GLIS3: variants seen among roughly 807,000 people sequenced by gnomAD.
GLIS3 encodes GLIS family zinc finger 3, also known as zinc finger protein GLIS3.
In GLIS3, 53 loss-of-function variants were observed where a neutral mutation model predicts 78.6. The observed-to-expected ratio is 0.67, with a 90% CI of 0.54 to 0.85. The LOEUF (loss-of-function observed/expected upper bound fraction) is 0.85. Ranked by LOEUF, GLIS3 falls within the 40% of genes least tolerant of loss-of-function variation. GLIS3 has a pLI of 0.00. For missense variants in GLIS3, 1,703 were observed against 1,231.1 expected, an observed-to-expected ratio of 1.38 and a Z score of -5.74; for synonymous variants, 684 against 509.9, an observed-to-expected ratio of 1.34 and a Z score of -4.60.
chr9:4,443,956 T>G, the GLIS3 span, among the ~76,000 whole-genome samples: 1 of 152,150 alleles, frequency 6.6e-6, no homozygotes, highest in Non-Finnish European at 1.5e-5. Flanking sequence ...GTAGACAGGT[T>G]ATATCCCATG....
At chr9:4,194,449 T>TA (rs1343432965) in intron 2 of GLIS3, among the ~76,000 whole-genome samples, 1 of 152,218 alleles carries the variant, frequency 6.6e-6, no homozygotes, top group African/African-American at 2.4e-5. Flanking sequence ...ATAAATGTCA[T>TA]AAATTATTTA....
chr9:4,301,505 C>T (rs1587370062), upstream of GLIS3, among the ~76,000 whole-genome samples: 2 of 152,320 alleles, frequency 1.3e-5, no homozygotes, highest in Middle Eastern at 6.8e-3. Flanking sequence ...CATAAAAACT[C>T]TTCCTCATTA....
At chr9:3,841,710 T>C (rs1818724252) in intron 9 of GLIS3, among the ~76,000 whole-genome samples, 1 of 152,192 alleles carries the variant, frequency 6.6e-6, no homozygotes. Flanking sequence ...GTTGGGAATT[T>C]TTCTATGAGG....
At chr9:4,322,327 C>T (rs978217044) in intron 2 of GLIS3, among the ~76,000 whole-genome samples, 32 of 152,074 alleles carry the variant, frequency 2.1e-4, no homozygotes, top group Non-Finnish European at 3.1e-4. Flanking sequence ...TGAATAGTGC[C>T]ACAATAAACA....
the GLIS3 span, among the ~76,000 whole-genome samples, chr9:4,413,171 T>C: frequency 6.6e-6 from 1 of 152,148 alleles, no homozygotes; most frequent in African/African-American, 2.4e-5. Flanking sequence ...TGGTCTTGAG[T>C]TCTGGATGTG....
rs368393095 is a variant in GLIS3 at position 3,962,705 on chromosome 9, G to C, written c.1711-25516C>G. On this transcript the variant is annotated intron_variant, in intron 4 of 10. Coordinates refer to ENST00000381971, the MANE Select transcript of GLIS3 (RefSeq NM_001042413.2). ...GTAAATAGGGAGAAACAAGAGAAAG[G>C]GGGGAATGTGAAGTCCAGAATTTCA... Among the ~76,000 whole-genome samples, 7 of 152,128 alleles carry C rather than the reference G, an allele frequency of 4.6e-5. No individual in the cohort carries two copies. In the East Asian group the frequency reaches 1.2e-3, roughly 25 times the overall value.
the GLIS3 span, among the ~76,000 whole-genome samples, chr9:4,446,932 T>C: frequency 6.6e-6 from 1 of 152,132 alleles, no homozygotes; most frequent in Non-Finnish European, 1.5e-5. Flanking sequence ...GGCTTGTGGT[T>C]CAACAAACAC....
Position 3,944,464 on chromosome 9 carries a change from A to G in GLIS3, c.1711-7275T>C, listed in dbSNP as rs150041965. The stretch of plus-strand genomic sequence containing the variant: ...AGGTATCATATATTATTCATGTTAT[A>G]CCAATACAATGCCAGAAGACTACAA... On this transcript the variant is annotated intron_variant, in intron 4 of 10. Coordinates refer to ENST00000381971, the MANE Select transcript of GLIS3 (RefSeq NM_001042413.2). 2.0e-5 allele frequency among the ~76,000 whole-genome samples: 3 copies of G among 152,320 alleles called. No individual in the cohort carries two copies. The East Asian group carries it at 5.8e-4, about 29-fold the overall frequency.
At chr9:4,363,064 T>C in the GLIS3 span, among the ~76,000 whole-genome samples, 2 of 152,072 alleles carry the variant, frequency 1.3e-5, no homozygotes, top group Admixed American at 6.6e-5. Context: ...TCAGTTCCAT[T>C]AGGCCCAAGA....
chr9:4,437,436 C>G, the GLIS3 span, among the ~76,000 whole-genome samples: 26,014 of 114,520 alleles, frequency 0.23, 2,467 homozygotes, highest in Non-Finnish European at 0.29. Context: ...ATCTATCTAT[C>G]TATCTATCTA....
chr9:3,941,692 C>T (rs981480439), intron 4 of GLIS3, among the ~76,000 whole-genome samples: 2 of 152,198 alleles, frequency 1.3e-5, no homozygotes, highest in African/African-American at 2.4e-5. Context: ...AGTGATAGAA[C>T]TTACACTCAT....
intron 2 of GLIS3, among the ~76,000 whole-genome samples, chr9:4,268,220 G>A (rs532000130): frequency 6.7e-6 from 1 of 148,990 alleles, no homozygotes; most frequent in East Asian, 1.9e-4. Context: ...TGTAAAACAG[G>A]AGTCATAATA....
At chr9:3,943,145 T>A (rs1185863723) in intron 4 of GLIS3, among the ~76,000 whole-genome samples, 1 of 152,234 alleles carries the variant, frequency 6.6e-6, no homozygotes, top group Non-Finnish European at 1.5e-5. Context: ...CATGCCACTC[T>A]GGTTTCTGTT....
intron 8 of GLIS3, 50 bp downstream of exon 8, chr9:3,879,377 G>T: frequency 1.3e-6 from 2 of 1,563,256 alleles, no homozygotes; most frequent in South Asian, 1.1e-5. Context: ...TGTCTGTGAA[G>T]GGAGGTTTGG....
At chr9:3,976,274 C>T (rs1818781886) in intron 4 of GLIS3, among the ~76,000 whole-genome samples, 1 of 152,052 alleles carries the variant, frequency 6.6e-6, no homozygotes, top group South Asian at 2.1e-4. Context: ...AGGTTACCTT[C>T]CATACATCTT....
chr9:4,476,402 C>T, the GLIS3 span, among the ~76,000 whole-genome samples: 1 of 152,210 alleles, frequency 6.6e-6, no homozygotes, highest in African/African-American at 2.4e-5. Flanking sequence ...CCTCTTGTCA[C>T]CCAGGCTGGA....
chr9:4,323,313 A>G (rs183724836), intron 2 of GLIS3, among the ~76,000 whole-genome samples: 93 of 152,282 alleles, frequency 6.1e-4, no homozygotes, highest in African/African-American at 2.2e-3. Context: ...GTTTTATCAC[A>G]TATATTTATA....
chr9:4,291,397 A>G (rs1293347832), intron 1 of GLIS3, among the ~76,000 whole-genome samples: 1 of 152,104 alleles, frequency 6.6e-6, no homozygotes, highest in Non-Finnish European at 1.5e-5. Flanking sequence ...TTATCTGTCA[A>G]TTCGAACCTG....
In GLIS3 at chr9:4,318,942, C is replaced by T. The variant is rs1425023899; in HGVS notation, n.265-8414G>A. ...CCGGAGTGAGCTGCTGAGGACACAA[C>T]AGTATTTACATGGTATTCCTGCCAA... On this transcript the variant is annotated intron_variant and non_coding_transcript_variant, in intron 2 of 4. Transcript: ENST00000471664. Among the ~76,000 whole-genome samples the T allele has an allele frequency of 3.3e-5, 5 of 152,258 alleles. No individual in the cohort carries two copies. The East Asian group carries it at 7.7e-4, about 24-fold the overall frequency.
Sources: allele counts gnomAD v4.1 joint callset (sites outside exome capture counted in the v4.1 genomes callset), GRCh38; gene constraint gnomAD v4.1.1; transcripts MANE v1.5; gene names NCBI Gene and HGNC (gene_info 2026-07-23, HGNC 2026-07-21).